BORCS5: variants seen among roughly 807,000 people sequenced by gnomAD.
BORCS5 encodes the protein BLOC-1-related complex subunit 5.
In BORCS5, 17 loss-of-function variants were observed where a neutral mutation model predicts 22.1. That is an observed-to-expected ratio of 0.77 (90% CI 0.53 to 1.15). BORCS5 has a LOEUF of 1.15. Among genes scored for constraint, BORCS5 ranks in the 50% most tolerant of loss-of-function variants. The pLI is 0.00. For synonymous variants in BORCS5, 117 were observed against 99.8 expected (o/e 1.17, Z -1.03); for missense variants, 247 against 253.2 (o/e 0.98, Z 0.17).
Position 12,381,472 on chromosome 12 carries a change from T to C in BORCS5, c.202+20123T>C, listed in dbSNP as rs559501192. On this transcript the variant is annotated intron_variant, in intron 2 of 3. Transcript: ENST00000314565. ...GTTGAAAAGATTGTGTTTTCCCTTA[T>C]TGAATTATCTCAGCACCTTTAAAAA... is the stretch of plus-strand genomic sequence containing the variant. Among the ~76,000 whole-genome samples the C allele has an allele frequency of 1.3e-4, 19 of 151,426 alleles. No individual in the cohort carries two copies. In the South Asian group the frequency reaches 2.7e-3, roughly 22 times the overall value.
rs1317828846 is a variant in BORCS5 at position 12,414,575 on chromosome 12, C to T, written c.203-21053C>T. On this transcript the variant is annotated intron_variant, in intron 2 of 3. Coordinates refer to ENST00000314565, the MANE Select transcript of BORCS5 (RefSeq NM_058169.6). The stretch of plus-strand genomic sequence containing the variant: ...GGGCGGGGGGCTGACCCCCCCACCT[C>T]CCTCCTGGACGGGGCGACTGGCTGG... 2.3e-5 allele frequency among the ~76,000 whole-genome samples: 2 copies of T among 88,140 alleles called. 1 individual carries two copies. Among genetic ancestry groups the T allele is most frequent in the Non-Finnish European group, 4.6e-5 (2 of 43,050 alleles). 57.8% of individuals were successfully genotyped at this position (88,140 alleles called of 152,430 possible). A position where few individuals can be genotyped will look rare whatever the true frequency, so the allele number is the denominator to read the frequency against.
At chr12:12,410,261 T>A (rs903429675) in intron 2 of BORCS5, among the ~76,000 whole-genome samples, 1 of 152,202 alleles carries the variant, frequency 6.6e-6, no homozygotes, top group African/African-American at 2.4e-5. Flanking sequence ...TTGGCTTTTG[T>A]TGCCATTGCT....
intron 3 of BORCS5, among the ~76,000 whole-genome samples, chr12:12,461,264 G>A (rs1360138107): frequency 6.6e-6 from 1 of 151,386 alleles, no homozygotes; most frequent in Non-Finnish European, 1.5e-5. Flanking sequence ...GACCTCCTGA[G>A]AGCAAGCAAT....
chr12:12,414,676 C>T (rs1334378888), intron 2 of BORCS5, among the ~76,000 whole-genome samples: 3 of 88,790 alleles, frequency 3.4e-5, no homozygotes, highest in East Asian at 4.8e-4. Flanking sequence ...GGCGGCTGGC[C>T]GGGCGGGGGG....
At chr12:12,408,117 C>G (rs953152233) in intron 2 of BORCS5, among the ~76,000 whole-genome samples, 1 of 152,206 alleles carries the variant, frequency 6.6e-6, no homozygotes, top group African/African-American at 2.4e-5. Flanking sequence ...CATCTGTATT[C>G]TAGCATGTAC....
chr12:12,453,174 CTATG>C (rs1349991265), intron 3 of BORCS5, among the ~76,000 whole-genome samples: 2 of 152,154 alleles, frequency 1.3e-5, no homozygotes, highest in African/African-American at 4.8e-5. Flanking sequence ...AATCATTTCA[CTATG>C]TATATGTATG....
chr12:12,406,269 G>A (rs1423023878), intron 2 of BORCS5, among the ~76,000 whole-genome samples: 3 of 152,230 alleles, frequency 2.0e-5, no homozygotes, highest in East Asian at 3.8e-4. Context: ...CTGAGTAGAA[G>A]TTGAGATTAT....
At chr12:12,459,170 A>G (rs1226120229) in intron 3 of BORCS5, among the ~76,000 whole-genome samples, 1 of 151,898 alleles carries the variant, frequency 6.6e-6, no homozygotes, top group Non-Finnish European at 1.5e-5. Flanking sequence ...TTCTGGGATT[A>G]CAGGCATGAG....
In BORCS5 at chr12:12,409,917, C is replaced by G. The variant is rs1221654357; in HGVS notation, c.203-25711C>G. Among the ~76,000 whole-genome samples the G allele has an allele frequency of 2.0e-5, 3 of 152,168 alleles. No individual in the cohort carries two copies. In the East Asian group the frequency reaches 5.8e-4, roughly 29 times the overall value. The stretch of plus-strand genomic sequence containing the variant: ...TTGTTTCCTGACTTTTTAATGATTG[C>G]CATTCTAACTGGTGTGAGATGGTAT... On this transcript the variant is annotated intron_variant, in intron 2 of 3. Transcript: ENST00000314565.
In BORCS5 at chr12:12,470,510, C is replaced by T. The variant is rs538977390; in HGVS notation, c.*4734C>T. 1.6e-4 allele frequency among the ~76,000 whole-genome samples: 24 copies of T among 152,190 alleles called. No homozygotes were observed. The highest frequency in any genetic ancestry group is 1.2e-3 in the South Asian group (6 of 4,818). ...GCGCACGTGAAGGATCTAGGTTTTG[C>T]GCTCCTTATGAGAATCTAATGCCTG... On this transcript the variant is annotated 3_prime_UTR_variant, in exon 4 of 4. Transcript: ENST00000314565.
intron 2 of BORCS5, among the ~76,000 whole-genome samples, chr12:12,399,233 A>G (rs1456240591): frequency 6.6e-6 from 1 of 151,402 alleles, no homozygotes; most frequent in Non-Finnish European, 1.5e-5. Flanking sequence ...ACTCCTATTC[A>G]CTCCTCAGAG....
intron 2 of BORCS5, among the ~76,000 whole-genome samples, chr12:12,427,118 A>T (rs1373642790): frequency 6.6e-6 from 1 of 151,546 alleles, no homozygotes; most frequent in East Asian, 1.9e-4. Flanking sequence ...ACTAACGCAC[A>T]TCACAAAATT....
chr12:12,374,994 A>G (rs1236229012), intron 2 of BORCS5, among the ~76,000 whole-genome samples: 1 of 151,624 alleles, frequency 6.6e-6, no homozygotes, highest in Non-Finnish European at 1.5e-5. Flanking sequence ...TGTATTTGGA[A>G]TATACTGCTT....
intron 1 of BORCS5, among the ~76,000 whole-genome samples, chr12:12,359,021 T>C (rs1349802221): frequency 2.0e-5 from 3 of 152,192 alleles, no homozygotes; most frequent in African/African-American, 7.2e-5. Flanking sequence ...GAATATTACC[T>C]TCTAGAGCAT....
At chr12:12,430,808 C>T (rs997604292) in intron 2 of BORCS5, among the ~76,000 whole-genome samples, 3 of 152,058 alleles carry the variant, frequency 2.0e-5, no homozygotes, top group African/African-American at 7.2e-5. Context: ...CACCCCAACC[C>T]CCATTTTTAT....
At chr12:12,436,732 T>C (rs1211254270) in intron 3 of BORCS5, among the ~76,000 whole-genome samples, 1 of 152,204 alleles carries the variant, frequency 6.6e-6, no homozygotes, top group Non-Finnish European at 1.5e-5. Context: ...TCCTTGAGAT[T>C]ACAAAGCAGT....
At chr12:12,437,714 T>G (rs1942583814) in intron 3 of BORCS5, among the ~76,000 whole-genome samples, 1 of 152,192 alleles carries the variant, frequency 6.6e-6, no homozygotes, top group South Asian at 2.1e-4. Context: ...CATAAAGTAG[T>G]GATTTTAGAA....
In BORCS5 at chr12:12,357,173, C is replaced by T. The variant is rs920138447; in HGVS notation, c.-279C>T. 2.6e-6 allele frequency: 4 copies of T among 1,527,374 alleles called. No individual in the cohort carries two copies. The highest frequency in any genetic ancestry group is 2.8e-5 in the African/African-American group (2 of 72,708). 94.6% of individuals were successfully genotyped at this position (1,527,374 alleles called of 1,614,324 possible). ...GCAGGTGCGGCAAAGCCAGTGTCAT[C>T]TGCCGGTTCTCTTAGGGCTCCCGGA... On this transcript the variant is annotated 5_prime_UTR_variant, in exon 1 of 4. Coordinates refer to ENST00000314565, the MANE Select transcript of BORCS5 (RefSeq NM_058169.6).
chr12:12,399,854 T>A lies in BORCS5; in HGVS notation c.203-35774T>A, dbSNP rs1307320956. 6.6e-5 allele frequency among the ~76,000 whole-genome samples: 10 copies of A among 152,298 alleles called. No homozygotes were observed. In the East Asian group the frequency reaches 1.9e-3, roughly 29 times the overall value. On this transcript the variant is annotated intron_variant, in intron 2 of 3. Coordinates refer to ENST00000314565, the MANE Select transcript of BORCS5 (RefSeq NM_058169.6). ...GTCTCAGCAGCCATTTTCCCTTAGG[T>A]TTTATTAACTGAGTCAGTAACTCAA...
Sources: allele counts gnomAD v4.1 joint callset (sites outside exome capture counted in the v4.1 genomes callset), GRCh38; gene constraint gnomAD v4.1.1; transcripts MANE v1.5; gene names NCBI Gene and HGNC (gene_info 2026-07-23, HGNC 2026-07-21).